The following DNAH5 variants were observed in gnomAD, a reference collection of about 807,000 sequenced individuals.
DNAH5 encodes the protein dynein axonemal heavy chain 5, also known as axonemal beta dynein heavy chain 5.
In DNAH5, 372 loss-of-function variants were observed where a neutral mutation model predicts 518.2. The observed-to-expected ratio is 0.72, with a 90% CI of 0.66 to 0.78. The LOEUF (loss-of-function observed/expected upper bound fraction) is 0.78, where lower values mean the gene tolerates loss of function less well. DNAH5 is among the 30% of genes least tolerant of loss of function. The pLI, the probability that DNAH5 is intolerant of heterozygous loss-of-function variation, is 0.00. For missense variants in DNAH5, 5,523 were observed against 5,687.0 expected (o/e 0.97, Z 0.93); for synonymous variants, 2,039 against 2,025.9 (o/e 1.01, Z -0.17).
At chr5:13,965,200 C>T (rs1297481054) in intron 1 of DNAH5, among the ~76,000 whole-genome samples, 2 of 151,962 alleles carry the variant, frequency 1.3e-5, no homozygotes, top group African/African-American at 4.8e-5. Flanking sequence ...ATTGAGAGGG[C>T]ATTAATAATA....
At chr5:13,714,694 C>CA in intron 74 of DNAH5, 74 bp from the exon 75 acceptor site, 1 of 1,452,840 alleles carries the variant, frequency 6.9e-7, no homozygotes, top group Non-Finnish European at 9.5e-7. Context: ...TTTTAGGAAA[C>CA]AAAAATGCTT....
intron 35 of DNAH5, among the ~76,000 whole-genome samples, chr5:13,837,952 G>A (rs931540742): frequency 5.3e-5 from 8 of 151,758 alleles, no homozygotes; most frequent in African/African-American, 1.2e-4. Context: ...CACCCACTTC[G>A]GCCTCCCAAA....
intron 1 of DNAH5, among the ~76,000 whole-genome samples, chr5:13,938,264 C>T (rs1779133125): frequency 6.6e-6 from 1 of 152,070 alleles, no homozygotes; most frequent in South Asian, 2.1e-4. Flanking sequence ...CCTGCTATAC[C>T]ATCAGATGGT....
intron 68 of DNAH5, among the ~76,000 whole-genome samples, chr5:13,731,321 G>T (rs1746515816): frequency 6.6e-6 from 1 of 152,180 alleles, no homozygotes; most frequent in Non-Finnish European, 1.5e-5. Context: ...TTGCACCTTA[G>T]CAACTGTCCA....
chr5:13,963,067 C>G (rs144174244), intron 1 of DNAH5, among the ~76,000 whole-genome samples: 2 of 152,090 alleles, frequency 1.3e-5, no homozygotes. Flanking sequence ...TGTGTTTATA[C>G]TGTTCCTATC....
chr5:13,704,966 G>A (rs1249748331), intron 76 of DNAH5, among the ~76,000 whole-genome samples: 1 of 151,796 alleles, frequency 6.6e-6, no homozygotes, highest in Non-Finnish European at 1.5e-5. Flanking sequence ...TTTACAACAA[G>A]GTGACTATAG....
At chr5:13,893,997 T>A (rs1234693208) in intron 16 of DNAH5, among the ~76,000 whole-genome samples, 1 of 151,592 alleles carries the variant, frequency 6.6e-6, no homozygotes, top group Non-Finnish European at 1.5e-5. Context: ...TGTTAATGTG[T>A]CCTCCTGGAA....
chr5:13,714,876 T>A (rs1744084401), intron 74 of DNAH5, among the ~76,000 whole-genome samples: 1 of 152,208 alleles, frequency 6.6e-6, no homozygotes, highest in African/African-American at 2.4e-5. Flanking sequence ...CAAGAGAGAC[T>A]GTCTTGTTAT....
chr5:13,823,058 T>C (rs1026209937), intron 40 of DNAH5, among the ~76,000 whole-genome samples: 1 of 152,210 alleles, frequency 6.6e-6, no homozygotes, highest in Non-Finnish European at 1.5e-5. Flanking sequence ...GCTGGACATG[T>C]GGCTGTGCAA....
At chr5:13,788,982 A>G in intron 50 of DNAH5, 68 bp from the exon 51 acceptor site, 2 of 1,355,128 alleles carry the variant, frequency 1.5e-6, no homozygotes. Context: ...TCAGGTTGAC[A>G]GTACTGTAGA....
rs1266963929 is a variant in DNAH5 at position 13,810,126 on chromosome 5, C to G, written c.7542G>C (p.Gly2514=). Residue 2514 remains glycine (G), a synonymous_variant, in exon 45 of 79, where the codon GGG becomes GGC. Transcript: ENST00000265104. ...CCGCTGGCGGCGGCAGCTCCAGCGT[C>G]CCTGTGGGCCGAGAGCGCAGCCAGA... The part of the protein sequence containing the change: ...LELWLRSRPT[G]TLELPPPAGP... 5.2e-6 allele frequency: 8 copies of G among 1,550,062 alleles called. No homozygotes were observed. Among genetic ancestry groups the G allele is most frequent in the Admixed American group, 2.0e-5 (1 of 51,156 alleles).
At chr5:13,714,269 T>C (rs1743992608) in intron 75 of DNAH5, 136 bp downstream of exon 75, 3 of 927,176 alleles carry the variant, frequency 3.2e-6, no homozygotes, top group East Asian at 5.2e-5. Flanking sequence ...TTTCTGGTTC[T>C]TTAAGAAGCT....
At chr5:13,907,604 C>T (rs1020726690) in intron 12 of DNAH5, among the ~76,000 whole-genome samples, 3 of 151,956 alleles carry the variant, frequency 2.0e-5, no homozygotes, top group African/African-American at 7.3e-5. Flanking sequence ...ATATGTTTTC[C>T]AAAATGGTCT....
At chr5:13,738,943 G>C (rs567059852) in intron 65 of DNAH5, among the ~76,000 whole-genome samples, 1 of 152,280 alleles carries the variant, frequency 6.6e-6, no homozygotes, top group African/African-American at 2.4e-5. Context: ...ATTTGCCTAT[G>C]TTTAACTGCG....
chr5:13,824,058 AAAGTGATG>A, intron 39 of DNAH5, 133 bp downstream of exon 39: 1 of 876,034 alleles, frequency 1.1e-6, no homozygotes. Context: ...AGTATAATTT[AAAGTGATG>A]CTCTCCAGCA....
rs16902886 is a variant in DNAH5, at chr5:13,883,062, T to C, written c.3016A>G (p.Ser1006Gly). Residue 1006 changes from serine to glycine, a missense_variant, in exon 20 of 79, where the codon AGT becomes GGT. Physicochemically the swap from Ser to Gly is moderately conservative, Grantham distance 56 (BLOSUM62 0). Coordinates refer to ENST00000265104, the MANE Select transcript of DNAH5 (RefSeq NM_001369.3). ...SNSASNMKQN[S>G]LPIFRASVTL... is the part of the protein sequence containing the mutation. ...ACGCTTGCCCGGAAAATGGGCAAACTGTTCTGCTTCATGTTAGAGGCACTG... is the reference window on the plus strand; with the variant it reads ...ACGCTTGCCCGGAAAATGGGCAAACCGTTCTGCTTCATGTTAGAGGCACTG... 2.6e-3 allele frequency: 4,276 copies of C among 1,614,128 alleles called. 105 individuals are homozygous for C. The African/African-American group carries it at 0.048, about 18-fold the overall frequency.
chr5:13,777,092 C>G, intron 54 of DNAH5, 110 bp downstream of exon 54: 2 of 1,039,552 alleles, frequency 1.9e-6, no homozygotes, highest in Non-Finnish European at 2.9e-6. Flanking sequence ...TCACTTAATA[C>G]CCATCCCCAA....
chr5:13,862,770 T>C (rs1276853762), intron 28 of DNAH5, 23 bp from the exon 29 acceptor site: 1 of 1,599,222 alleles, frequency 6.3e-7, no homozygotes, highest in South Asian at 1.1e-5. Flanking sequence ...CAAGCTCTCA[T>C]GTTATTGCAT....
At chr5:13,888,289 C>G (rs1040514354) in intron 17 of DNAH5, among the ~76,000 whole-genome samples, 1 of 152,196 alleles carries the variant, frequency 6.6e-6, no homozygotes, top group Admixed American at 6.5e-5. Flanking sequence ...AGCATATGAA[C>G]ACCCAATGTA....
Sources: allele counts gnomAD v4.1 joint callset (sites outside exome capture counted in the v4.1 genomes callset), GRCh38; gene constraint gnomAD v4.1.1; transcripts MANE v1.5; gene names NCBI Gene and HGNC (gene_info 2026-07-23, HGNC 2026-07-21).